Variants in LSAMP observed in about 807,000 individuals in gnomAD.
The protein encoded by LSAMP is limbic system-associated membrane protein.
In LSAMP, 7 loss-of-function variants were observed where a neutral mutation model predicts 38.6. The ratio of observed to expected loss-of-function variants is 0.18; its 90% CI spans 0.10 to 0.34. The LOEUF is 0.34. Among genes scored for constraint, LSAMP ranks in the 10% least tolerant of loss-of-function variants. The pLI, the probability that LSAMP is intolerant of heterozygous loss-of-function variation, is 1.00. For synonymous variants in LSAMP, 154 were observed against 166.8 expected (o/e 0.92, Z 0.59); for missense variants, 313 against 420.0 (o/e 0.75, Z 2.23).
intron 1 of LSAMP, among the ~76,000 whole-genome samples, chr3:116,179,068 C>T (rs1033964042): frequency 6.6e-6 from 1 of 152,044 alleles, no homozygotes; most frequent in African/African-American, 2.4e-5. Context: ...GTGGCCTCCT[C>T]CTCCTTCCTG....
chr3:116,047,556 C>A (rs966206709), intron 2 of LSAMP, among the ~76,000 whole-genome samples: 1 of 152,100 alleles, frequency 6.6e-6, no homozygotes, highest in South Asian at 2.1e-4. Context: ...CCTGTACATC[C>A]CAACCACTTC....
intron 2 of LSAMP, among the ~76,000 whole-genome samples, chr3:116,085,925 A>T (rs1474916209): frequency 6.6e-6 from 1 of 152,220 alleles, no homozygotes; most frequent in Non-Finnish European, 1.5e-5. Flanking sequence ...CTTCAGGGTG[A>T]GGACAGATAA....
At chr3:116,402,161 A>G (rs1205547875) in intron 1 of LSAMP, among the ~76,000 whole-genome samples, 1 of 152,200 alleles carries the variant, frequency 6.6e-6, no homozygotes, top group African/African-American at 2.4e-5. Context: ...TTTTAAAGTG[A>G]TAATTTTGTA....
At chr3:116,384,261 G>C (rs776507848) in intron 1 of LSAMP, among the ~76,000 whole-genome samples, 1 of 152,048 alleles carries the variant, frequency 6.6e-6, no homozygotes, top group African/African-American at 2.4e-5. Context: ...TTGGGATGAG[G>C]TTACCTCTTT....
In LSAMP at chr3:115,914,319, A is replaced by T. The variant is rs149651508; in HGVS notation, c.515-61702T>A. 3.2e-3 allele frequency among the ~76,000 whole-genome samples: 488 copies of T among 152,210 alleles called. 1 individual carries two copies. Among genetic ancestry groups the T allele is most frequent in the Non-Finnish European group, 5.3e-3 (363 of 67,998 alleles). ...GGAATCCTCTAACCCTCACTATCCAATCACCCTCAATAGCTGATCAAATTT... is the reference window on the plus strand; with the variant it reads ...GGAATCCTCTAACCCTCACTATCCATTCACCCTCAATAGCTGATCAAATTT... On this transcript the variant is annotated intron_variant, in intron 3 of 6. Transcript: ENST00000490035.
At chr3:116,275,071 T>TAAAC (rs1375502441) in intron 1 of LSAMP, among the ~76,000 whole-genome samples, 2 of 150,336 alleles carry the variant, frequency 1.3e-5, no homozygotes, top group Admixed American at 6.6e-5. Context: ...AATAAATAAA[T>TAAAC]AAACAGGCTC....
At chr3:115,974,310 C>G (rs1939114819) in intron 3 of LSAMP, among the ~76,000 whole-genome samples, 1 of 151,868 alleles carries the variant, frequency 6.6e-6, no homozygotes, top group African/African-American at 2.4e-5. Context: ...CACCACTGCA[C>G]TCCAGCCTAG....
At chr3:116,418,504 T>A (rs2049080598) in intron 1 of LSAMP, among the ~76,000 whole-genome samples, 1 of 152,170 alleles carries the variant, frequency 6.6e-6, no homozygotes, top group African/African-American at 2.4e-5. Flanking sequence ...TTTTTAAATT[T>A]ATTTTCAATG....
chr3:115,956,704 G>A lies in LSAMP; in HGVS notation c.514+62811C>T, dbSNP rs1406665389. Among the ~76,000 whole-genome samples the A allele has an allele frequency of 2.0e-5, 3 of 152,046 alleles. No individual in the cohort carries two copies. In the East Asian group the frequency reaches 5.8e-4, roughly 29 times the overall value. On this transcript the variant is annotated intron_variant, in intron 3 of 6. Coordinates refer to ENST00000490035, the MANE Select transcript of LSAMP (RefSeq NM_002338.5). ...AAGGCAACAAAGGAGAGAAAAAATT[G>A]GAAGCTTATATAGTTAAAATTTTAT...
intron 3 of LSAMP, among the ~76,000 whole-genome samples, chr3:115,973,160 G>T (rs1200551577): frequency 6.6e-6 from 1 of 152,156 alleles, no homozygotes; most frequent in Non-Finnish European, 1.5e-5. Context: ...TTAGTCAATG[G>T]GTAATAAAAA....
chr3:115,850,167 T>C (rs1164312437), intron 4 of LSAMP, among the ~76,000 whole-genome samples: 2 of 152,214 alleles, frequency 1.3e-5, no homozygotes, highest in Non-Finnish European at 2.9e-5. Flanking sequence ...TTGAAAATTA[T>C]AAGTATTTTC....
intron 1 of LSAMP, among the ~76,000 whole-genome samples, chr3:116,403,946 T>C (rs1409236222): frequency 6.6e-6 from 1 of 151,036 alleles, no homozygotes; most frequent in Non-Finnish European, 1.5e-5. Flanking sequence ...TTTTTTAACC[T>C]AGAGACAGAG....
At chr3:116,417,371 C>A (rs2049065670) in intron 1 of LSAMP, among the ~76,000 whole-genome samples, 1 of 152,166 alleles carries the variant, frequency 6.6e-6, no homozygotes, top group African/African-American at 2.4e-5. Flanking sequence ...AGCCAAGGGG[C>A]TATGCTGTCC....
At chr3:116,317,356 C>CTTTTTT (rs71616348) in intron 1 of LSAMP, among the ~76,000 whole-genome samples, 1 of 140,052 alleles carries the variant, frequency 7.1e-6, no homozygotes, top group African/African-American at 2.6e-5. Flanking sequence ...CTCTTTCTTT[C>CTTTTTT]TTTTTTTTTT....
intron 3 of LSAMP, among the ~76,000 whole-genome samples, chr3:115,935,098 G>A (rs1365487799): frequency 6.6e-6 from 1 of 151,916 alleles, no homozygotes; most frequent in African/African-American, 2.4e-5. Context: ...AAAAAAAAAG[G>A]TGAGATAATG....
intron 3 of LSAMP, among the ~76,000 whole-genome samples, chr3:115,972,144 G>A (rs1187340531): frequency 1.3e-5 from 2 of 151,910 alleles, no homozygotes; most frequent in Non-Finnish European, 2.9e-5. Context: ...CTTATTCTAT[G>A]AACAAGCTTG....
intron 1 of LSAMP, among the ~76,000 whole-genome samples, chr3:116,346,286 A>G (rs2033406): frequency 0.5 from 75,972 of 151,188 alleles, 22,605 homozygotes; most frequent in East Asian, 0.82. Context: ...TTTCTCTTGA[A>G]TTCAGGAAAC....
At chr3:116,313,965 AC>A (rs772195918) in intron 1 of LSAMP, among the ~76,000 whole-genome samples, 4 of 152,236 alleles carry the variant, frequency 2.6e-5, no homozygotes, top group Non-Finnish European at 5.9e-5. Context: ...AAAACAAAAA[AC>A]AAAATTGGAC....
intron 1 of LSAMP, among the ~76,000 whole-genome samples, chr3:116,177,668 A>C (rs747687536): frequency 6.6e-6 from 1 of 152,214 alleles, no homozygotes; most frequent in African/African-American, 2.4e-5. Context: ...GGAAAGTTTT[A>C]AAAATTAGTT....
Sources: gnomAD v4.1 joint callset for allele counts (sites outside exome capture counted in the v4.1 genomes callset) on GRCh38, gnomAD v4.1.1 for gene constraint, MANE v1.5 for transcripts, NCBI Gene and HGNC (gene_info 2026-07-23, HGNC 2026-07-21) for gene names.